The following CACNA2D2 variants were observed in gnomAD, a reference collection of about 807,000 sequenced individuals.
CACNA2D2 encodes calcium voltage-gated channel auxiliary subunit alpha2delta 2.
CACNA2D2 carries 48 observed loss-of-function variants against 166.4 expected under a neutral mutation model. The ratio of observed to expected loss-of-function variants is 0.29; its 90% CI spans 0.23 to 0.37. The LOEUF is 0.37. Ranked by LOEUF, CACNA2D2 falls within the 10% of genes least tolerant of loss-of-function variation. The probability of loss-of-function intolerance (pLI) is 1.00; values close to 1 mark genes in which losing one functional copy is unlikely to be tolerated. For missense variants in CACNA2D2, 1,122 were observed against 1,433.0 expected, an observed-to-expected ratio of 0.78 and a Z score of 3.50; for synonymous variants, 561 against 573.7, an observed-to-expected ratio of 0.98 and a Z score of 0.32.
intron 3 of CACNA2D2, among the ~76,000 whole-genome samples, chr3:50,418,896 G>A (rs542348423): frequency 6.6e-6 from 1 of 152,348 alleles, no homozygotes; most frequent in East Asian, 1.9e-4. Flanking sequence ...CCTGGCCTCT[G>A]GGGGAGGGAG....
chr3:50,382,409 C>G (rs968780823), intron 6 of CACNA2D2, among the ~76,000 whole-genome samples: 1 of 152,178 alleles, frequency 6.6e-6, no homozygotes, highest in African/African-American at 2.4e-5. Context: ...GCCTCTGCTC[C>G]GGCCCTGGGG....
chr3:50,390,946 G>T (rs1284036194), intron 4 of CACNA2D2, among the ~76,000 whole-genome samples: 1 of 152,264 alleles, frequency 6.6e-6, no homozygotes, highest in East Asian at 1.9e-4. Flanking sequence ...GCCACCCGCT[G>T]CACCAGTGAG....
At chr3:50,447,412 A>G (rs1708905074) in intron 2 of CACNA2D2, among the ~76,000 whole-genome samples, 1 of 152,136 alleles carries the variant, frequency 6.6e-6, no homozygotes, top group East Asian at 1.9e-4. Flanking sequence ...CTGCACTTCT[A>G]GCTCTGTCAA....
chr3:50,441,475 A>C (rs1480847216), intron 2 of CACNA2D2, among the ~76,000 whole-genome samples: 4 of 152,268 alleles, frequency 2.6e-5, no homozygotes, highest in Admixed American at 2.0e-4. Flanking sequence ...TTCAAAAGAC[A>C]CAAAACCCAA....
chr3:50,391,858 G>C (rs1705907764), intron 4 of CACNA2D2, among the ~76,000 whole-genome samples: 1 of 152,212 alleles, frequency 6.6e-6, no homozygotes, highest in Non-Finnish European at 1.5e-5. Context: ...GAACAGCTGG[G>C]CGCCATCCTC....
chr3:50,364,978 T>C lies in CACNA2D2; in HGVS notation c.3209-8A>G. ...ACTGCTCCGGGCCGTCCGCTGGGCATGGGTGGGGAGTCAAGGAGGCGGACG... is the reference window on the plus strand; with the variant it reads ...ACTGCTCCGGGCCGTCCGCTGGGCACGGGTGGGGAGTCAAGGAGGCGGACG... On this transcript the variant is annotated splice_polypyrimidine_tract_variant and splice_region_variant and intron_variant, in intron 36 of 37. Coordinates refer to ENST00000424201, the MANE Select transcript of CACNA2D2 (RefSeq NM_006030.4). 6.3e-7 allele frequency: 1 copy of C among 1,594,554 alleles called. No homozygotes were observed. Among genetic ancestry groups the C allele is most frequent in the Non-Finnish European group, 8.5e-7 (1 of 1,170,618 alleles).
chr3:50,470,810 G>A (rs993498774), intron 2 of CACNA2D2, among the ~76,000 whole-genome samples: 1 of 152,000 alleles, frequency 6.6e-6, no homozygotes, highest in Non-Finnish European at 1.5e-5. Flanking sequence ...TCTAGGCAGG[G>A]CTTTGGTCAG....
Position 50,379,049 on chromosome 3 carries a change from C to T in CACNA2D2, c.1260+43G>A. ...CACCAGGGGACAGCCCTCTTCTGTA[C>T]TGGGCCCAGGTCAGGGTAGCCCCTG... On this transcript the variant is annotated intron_variant, in intron 12 of 37. Coordinates refer to ENST00000424201, the MANE Select transcript of CACNA2D2 (RefSeq NM_006030.4). This position sits in a 1 kb window ranked among gnomAD's most constrained non-coding sequence, Gnocchi z 6.5. 6.2e-7 allele frequency: 1 copy of T among 1,613,638 alleles called. No individual in the cohort carries two copies.
chr3:50,387,722 T>A, intron 4 of CACNA2D2, 110 bp from the exon 5 acceptor site: 2 of 845,842 alleles, frequency 2.4e-6, no homozygotes, highest in Non-Finnish European at 3.8e-6. Context: ...GGGCAGAGAC[T>A]GTCCCTTTCC....
At chr3:50,374,857 C>T in intron 21 of CACNA2D2, 44 bp from the exon 22 acceptor site, 2 of 1,455,610 alleles carry the variant, frequency 1.4e-6, no homozygotes, top group Non-Finnish European at 1.9e-6. Flanking sequence ...GGAGGCGGGC[C>T]ACACTGGCAC....
chr3:50,481,458 T>C (rs1698053810), intron 1 of CACNA2D2, among the ~76,000 whole-genome samples: 2 of 152,066 alleles, frequency 1.3e-5, no homozygotes, highest in Non-Finnish European at 2.9e-5. Flanking sequence ...GTTCAGCCGC[T>C]GCGCTTCGTG....
chr3:50,374,699 G>A (rs1704876820), intron 22 of CACNA2D2, 38 bp downstream of exon 22: 3 of 1,563,752 alleles, frequency 1.9e-6, no homozygotes, highest in South Asian at 2.3e-5. Context: ...CGGGGCAGAG[G>A]CAGGGTGCAG....
chr3:50,435,776 C>T (rs983977597), intron 2 of CACNA2D2, among the ~76,000 whole-genome samples: 49 of 152,164 alleles, frequency 3.2e-4, no homozygotes, highest in African/African-American at 4.8e-4. Flanking sequence ...CCATCCCTCC[C>T]GGCTTCTCTT....
At chr3:50,468,892 G>C (rs1253933841) in intron 2 of CACNA2D2, among the ~76,000 whole-genome samples, 1 of 149,184 alleles carries the variant, frequency 6.7e-6, no homozygotes, top group Non-Finnish European at 1.5e-5. Context: ...GCAGTGGAGC[G>C]ATCTCGGCTC....
chr3:50,377,963 G>C (rs1172063136), intron 15 of CACNA2D2, 45 bp downstream of exon 15: 1 of 1,580,460 alleles, frequency 6.3e-7, no homozygotes, highest in Non-Finnish European at 8.7e-7. Flanking sequence ...CACATCTCCG[G>C]GGGAAGGGTG....
In CACNA2D2 at chr3:50,364,723, CAGG is replaced by C. The variant is rs772905217; in HGVS notation, c.3372_3374del (p.Leu1125del). 3 of 1,553,334 alleles carry C rather than the reference CAGG, an allele frequency of 1.9e-6. No homozygotes were observed. Among genetic ancestry groups the C allele is most frequent in the Non-Finnish European group, 2.6e-6 (3 of 1,149,236 alleles). Reference sequence around the variant, plus strand: ...GAGGCTGCGGCCGGGGCGGCAGGCCCAGGAGGAGCAGCAGTTGCAGGGAGACCA... The same window carrying C: ...GAGGCTGCGGCCGGGGCGGCAGGCCCAGGAGCAGCAGTTGCAGGGAGACCA... On this transcript the variant is annotated inframe_deletion, in exon 38 of 38. Transcript: ENST00000424201.
At chr3:50,480,738 A>C (rs1698009562) in intron 1 of CACNA2D2, among the ~76,000 whole-genome samples, 1 of 118,132 alleles carries the variant, frequency 8.5e-6, no homozygotes, top group South Asian at 3.3e-4. Flanking sequence ...AGGCTGGGGG[A>C]GGCTGCATGT....
chr3:50,396,092 C>G (rs1417604388), intron 3 of CACNA2D2, among the ~76,000 whole-genome samples: 1 of 152,080 alleles, frequency 6.6e-6, no homozygotes, highest in African/African-American at 2.4e-5. Context: ...CCAGGCCTCT[C>G]TACTCCGTGA....
At chr3:50,437,448 T>C (rs765046201) in intron 2 of CACNA2D2, among the ~76,000 whole-genome samples, 1 of 152,210 alleles carries the variant, frequency 6.6e-6, no homozygotes, top group Non-Finnish European at 1.5e-5. Context: ...GGGCTGGTCA[T>C]GCTGCCAGCC....
Sources: gnomAD v4.1 joint callset for allele counts (sites outside exome capture counted in the v4.1 genomes callset) on GRCh38, gnomAD v4.1.1 for gene constraint, Gnocchi (gnomAD v3.1) non-coding constraint, MANE v1.5 for transcripts, NCBI Gene and HGNC (gene_info 2026-07-23, HGNC 2026-07-21) for gene names.